The following DYRK2 variants were observed in gnomAD, a reference collection of about 807,000 sequenced individuals.
DYRK2 encodes dual specificity tyrosine phosphorylation regulated kinase 2.
A neutral mutation model predicts 41.6 loss-of-function variants in DYRK2; 12 were observed. That is an observed-to-expected ratio of 0.29 (90% confidence interval 0.18 to 0.47). DYRK2 has a LOEUF of 0.47. Among genes scored for constraint, DYRK2 ranks in the 20% least tolerant of loss-of-function variants. The pLI is 1.00. For missense variants in DYRK2, 678 were observed against 798.4 expected (o/e 0.85, Z 1.82); for synonymous variants, 322 against 315.7 (o/e 1.02, Z -0.21).
intron 2 of DYRK2, among the ~76,000 whole-genome samples, chr12:67,651,949 C>T (rs1482448942): frequency 1.3e-5 from 2 of 151,988 alleles, no homozygotes; most frequent in Admixed American, 1.3e-4. Context: ...AATGCAAGAA[C>T]CTTTGTAGAT....
chr12:67,654,786 G>A (rs1872417943), intron 2 of DYRK2, among the ~76,000 whole-genome samples: 1 of 152,168 alleles, frequency 6.6e-6, no homozygotes, highest in South Asian at 2.1e-4. Context: ...ATGGGAGAGG[G>A]AGCTGATCGA....
chr12:67,653,077 G>C (rs1282236062), intron 2 of DYRK2, among the ~76,000 whole-genome samples: 1 of 152,108 alleles, frequency 6.6e-6, no homozygotes, highest in African/African-American at 2.4e-5. Context: ...TGATCCACCT[G>C]CCTCAGCCTC....
rs367844107 is a variant in DYRK2 at position 67,657,654 on chromosome 12, C to G, written c.747C>G (p.Ala249=). Residue 249 remains alanine, a synonymous_variant, in exon 3 of 3, where the codon GCC becomes GCG. Coordinates refer to ENST00000344096, the MANE Select transcript of DYRK2 (RefSeq NM_006482.3). This position sits in a 1 kb window ranked among gnomAD's most constrained non-coding sequence, Gnocchi z 4.8. ...AYDHKVHQHV[A]LKMVRNEKRF... ...ATCACAAAGTCCACCAGCACGTGGCCCTAAAGATGGTGCGGAATGAGAAGC... is the reference window on the plus strand; with the variant it reads ...ATCACAAAGTCCACCAGCACGTGGCGCTAAAGATGGTGCGGAATGAGAAGC... The G allele has an allele frequency of 6.2e-7, 1 of 1,613,722 alleles. No homozygotes were observed. The highest frequency in any genetic ancestry group is 1.1e-5 in the South Asian group (1 of 91,024).
At position 67,658,862 on chromosome 12, in the gene DYRK2, T is replaced by A; in HGVS notation, c.*149T>A. ...GCACTTAATTTTAATGTAAGAAAGT[T>A]GTTCATTTTGTTTTTATAAAATACA... is the stretch of plus-strand genomic sequence containing the variant. On this transcript the variant is annotated 3_prime_UTR_variant, in exon 3 of 3. Transcript: ENST00000344096. This position sits in a 1 kb window ranked among gnomAD's most constrained non-coding sequence, Gnocchi z 4.3. 1.1e-6 allele frequency: 1 copy of A among 909,318 alleles called. No individual in the cohort carries two copies. The allele number at this position is 909,318 out of a possible 1,614,324, so 56.3% of individuals were successfully genotyped here. A position where few individuals can be genotyped will look rare whatever the true frequency, so the allele number is the denominator to read the frequency against.
rs376929227 is a variant in DYRK2 at position 67,658,749 on chromosome 12, C to G, written c.*36C>G. The stretch of plus-strand genomic sequence containing the variant: ...CCTGATGCTGGTAACCTGAAAGATA[C>G]GACATTGCTGAGCCTTACTGGGTTG... On this transcript the variant is annotated 3_prime_UTR_variant, in exon 3 of 3. Transcript: ENST00000344096. The surrounding 1 kb of genome is among the most constrained non-coding windows in gnomAD (Gnocchi z 4.3). The G allele has an allele frequency of 1.9e-6, 3 of 1,563,300 alleles. No homozygotes were observed. Among genetic ancestry groups the G allele is most frequent in the South Asian group, 2.5e-5 (2 of 80,874 alleles).
rs1230281563 is a variant in DYRK2, at chr12:67,657,128, T to C, written c.221T>C (p.Met74Thr). Residue 74 changes from methionine (M) to threonine (T), a missense_variant, in exon 3 of 3, where the codon ATG becomes ACG. Met to Thr is a moderately conservative substitution (Grantham distance 81). Coordinates refer to ENST00000344096, the MANE Select transcript of DYRK2 (RefSeq NM_006482.3). The surrounding 1 kb of genome is among the most constrained non-coding windows in gnomAD (Gnocchi z 4.8). ...CAGATTGGCGGCAGTAAGCACACAA[T>C]GAATGATCACCTGCATGTCGGCAGC... ...AHTIGGSKHTMNDHLHVGSHA... is the reference protein window; with the variant it reads ...AHTIGGSKHTTNDHLHVGSHA... 3 of 1,572,254 alleles carry C rather than the reference T, an allele frequency of 1.9e-6. No homozygotes were observed. The highest frequency in any genetic ancestry group is 1.7e-6 in the Non-Finnish European group (2 of 1,159,528).
At position 67,649,111 on chromosome 12, in the gene DYRK2, A is replaced by G. The variant is rs1872223919; in HGVS notation, c.-23A>G. 1.3e-6 allele frequency: 2 copies of G among 1,502,976 alleles called. No individual in the cohort carries two copies. The allele number at this position is 1,502,976 out of a possible 1,614,324, so 93.1% of individuals were successfully genotyped here. A position where few individuals can be genotyped will look rare whatever the true frequency, so the allele number is the denominator to read the frequency against. ...CGGCGGCGGCGACGGCAGCCCTGAA[A>G]TGCATTTTCCTCTCCAGCGGCCATG... On this transcript the variant is annotated 5_prime_UTR_variant, in exon 1 of 3. It removes an upstream start codon present in the reference 5' UTR. Coordinates refer to ENST00000344096, the MANE Select transcript of DYRK2 (RefSeq NM_006482.3).
chr12:67,651,639 T>C, intron 2 of DYRK2: 1 of 455,602 alleles, frequency 2.2e-6, no homozygotes, highest in South Asian at 1.6e-5. Flanking sequence ...CTGTTAATTA[T>C]TAGATGCTTG....
chr12:67,658,201 G>A lies in DYRK2; in HGVS notation c.1294G>A (p.Ala432Thr). ...TGGGGAAGATGAAGGGGACCAGCTG[G>A]CCTGTATGATTGAACTGTTGGGCAT... ...LPGEDEGDQL[A>T]CMIELLGMPS... is the part of the protein sequence containing the mutation. Residue 432 changes from alanine (A) to threonine (T), a missense_variant, in exon 3 of 3, where the codon GCC becomes ACC. Physicochemically the swap from Ala to Thr is moderately conservative, Grantham distance 58 (BLOSUM62 0). Transcript: ENST00000344096. The surrounding 1 kb of genome is among the most constrained non-coding windows in gnomAD (Gnocchi z 4.3). The A allele has an allele frequency of 6.2e-7, 1 of 1,614,182 alleles. No homozygotes were observed. Among genetic ancestry groups the A allele is most frequent in the East Asian group, 2.2e-5 (1 of 44,860 alleles).
intron 2 of DYRK2, among the ~76,000 whole-genome samples, chr12:67,654,412 A>G (rs1872408058): frequency 6.6e-6 from 1 of 152,226 alleles, no homozygotes; most frequent in South Asian, 2.1e-4. Flanking sequence ...GAGTGGTCTC[A>G]GGTTGAGACT....
chr12:67,651,093 T>C (rs909318825), intron 2 of DYRK2, among the ~76,000 whole-genome samples: 1 of 152,146 alleles, frequency 6.6e-6, no homozygotes, highest in African/African-American at 2.4e-5. Context: ...ATCTTCCCCC[T>C]CCCTCTGTCT....
chr12:67,657,095 C>A lies in DYRK2; in HGVS notation c.199-11C>A. On this transcript the variant is annotated splice_polypyrimidine_tract_variant and intron_variant, in intron 2 of 2. Coordinates refer to ENST00000344096, the MANE Select transcript of DYRK2 (RefSeq NM_006482.3). The surrounding 1 kb of genome is among the most constrained non-coding windows in gnomAD (Gnocchi z 4.8). The stretch of plus-strand genomic sequence containing the variant: ...CTTCTTTTCTATTTATATTTCCTGT[C>A]TGAATTCCAGATTGGCGGCAGTAAG... The A allele has an allele frequency of 1.3e-6, 2 of 1,536,294 alleles. No individual in the cohort carries two copies. The highest frequency in any genetic ancestry group is 1.8e-6 in the Non-Finnish European group (2 of 1,141,162).
chr12:67,649,072 A>T lies in DYRK2; in HGVS notation c.-62A>T. 7.2e-7 allele frequency: 1 copy of T among 1,391,680 alleles called. No individual in the cohort carries two copies. Among genetic ancestry groups the T allele is most frequent in the Non-Finnish European group, 9.5e-7 (1 of 1,051,144 alleles). The allele number at this position is 1,391,680 out of a possible 1,614,324, so 86.2% of individuals were successfully genotyped here. On this transcript the variant is annotated 5_prime_UTR_variant, in exon 1 of 3. It adds an upstream start codon to the 5' untranslated region. Coordinates refer to ENST00000344096, the MANE Select transcript of DYRK2 (RefSeq NM_006482.3). ...GGAGGCGGCGGCGGCGGCCGCCAGA[A>T]GTAGCAGCAGGACCGGCGGCGGCGA...
chr12:67,649,936 A>G lies in DYRK2; in HGVS notation c.189A>G (p.Ala63=). The G allele has an allele frequency of 7.3e-7, 1 of 1,374,696 alleles. No individual in the cohort carries two copies. Among genetic ancestry groups the G allele is most frequent in the South Asian group, 1.8e-5 (1 of 55,800 alleles). 85.2% of individuals were successfully genotyped at this position (1,374,696 alleles called of 1,614,324 possible). The change falls in exon 2 of 3, where the codon GCA becomes GCG. Residue 63 remains alanine, a synonymous_variant. Coordinates refer to ENST00000344096, the MANE Select transcript of DYRK2 (RefSeq NM_006482.3). ...PPLRASNAAA[A]AHTIGGSKHT... is the part of the protein sequence containing the mutation. Reference sequence around the variant, plus strand: ...TCCGGGCCAGCAACGCTGCCGCCGCAGCCCACACGGTGAGACCCAGCCCGC... The same window carrying G: ...TCCGGGCCAGCAACGCTGCCGCCGCGGCCCACACGGTGAGACCCAGCCCGC...
In DYRK2 at chr12:67,658,634, T is replaced by C. The variant is rs1872549388; in HGVS notation, c.1727T>C (p.Leu576Pro). ...CCACCTTCTAGCTCAGCTTCCAAAC[T>C]GAGGACTAATTTGGCGCAGATGACA... is the stretch of plus-strand genomic sequence containing the variant. Reference protein sequence around the residue: ...LPPPSSSASKLRTNLAQMTDA... With the variant: ...LPPPSSSASKPRTNLAQMTDA... Residue 576 changes from leucine (L) to proline (P), a missense_variant, in exon 3 of 3, where the codon CTG becomes CCG. Transcript: ENST00000344096. The surrounding 1 kb of genome is among the most constrained non-coding windows in gnomAD (Gnocchi z 4.3). The C allele has an allele frequency of 6.2e-7, 1 of 1,614,002 alleles. No homozygotes were observed.
At chr12:67,656,996 G>T in intron 2 of DYRK2, 110 bp from the exon 3 acceptor site, 2 of 1,192,794 alleles carry the variant, frequency 1.7e-6, no homozygotes, top group South Asian at 3.9e-5. Context: ...CAAACCAAAT[G>T]GGATTTTGTA....
In DYRK2 at chr12:67,657,544, G is replaced by A. The variant is rs1036201941; in HGVS notation, c.637G>A (p.Val213Met). 3 of 1,613,920 alleles carry A rather than the reference G, an allele frequency of 1.9e-6. No homozygotes were observed. The highest frequency in any genetic ancestry group is 2.7e-5 in the African/African-American group (2 of 74,900). The change falls in exon 3 of 3, where the codon GTG becomes ATG. Residue 213 changes from valine (V) to methionine (M), a missense_variant. By Grantham distance (21) the Val-to-Met change is conservative (BLOSUM62 1). Coordinates refer to ENST00000344096, the MANE Select transcript of DYRK2 (RefSeq NM_006482.3). This position sits in a 1 kb window ranked among gnomAD's most constrained non-coding sequence, Gnocchi z 4.8. ...YDDDQGSYVQVPHDHVAYRYE... is the reference protein window; with the variant it reads ...YDDDQGSYVQMPHDHVAYRYE... ...TGATGACCAGGGATCATATGTGCAG[G>A]TGCCCCACGATCACGTGGCTTACAG...
At chr12:67,649,226 G>C in intron 1 of DYRK2, 44 bp downstream of exon 1, 2 of 1,423,290 alleles carry the variant, frequency 1.4e-6, no homozygotes, top group Middle Eastern at 1.9e-4. Flanking sequence ...GACCCCCGCC[G>C]GCCCTGGGCA....
In DYRK2 at chr12:67,649,671, G is replaced by T. The variant is rs369998611; in HGVS notation, c.50-126G>T. ...CGTGACCCGAACGCCCGTTTTTACT[G>T]CCCCGGTCTCTTCCTCCGTCTTTCT... On this transcript the variant is annotated intron_variant, in intron 1 of 2. Transcript: ENST00000344096. 1.7e-5 allele frequency: 19 copies of T among 1,112,924 alleles called. No homozygotes were observed. The East Asian group carries it at 2.9e-4, about 17-fold the overall frequency. 68.9% of individuals were successfully genotyped at this position (1,112,924 alleles called of 1,614,324 possible).
Sources: allele counts gnomAD v4.1 joint callset (sites outside exome capture counted in the v4.1 genomes callset), GRCh38; gene constraint gnomAD v4.1.1; non-coding constraint Gnocchi (gnomAD v3.1); transcripts MANE v1.5; gene names NCBI Gene and HGNC (gene_info 2026-07-23, HGNC 2026-07-21).